The following SETBP1 variants were observed in gnomAD, a reference collection of about 807,000 sequenced individuals.
SETBP1 encodes the protein SET binding protein 1, also known as SET-binding protein.
In SETBP1, 9 loss-of-function variants were observed where a neutral mutation model predicts 101.0. That is an observed-to-expected ratio of 0.09 (90% CI 0.05 to 0.16). The LOEUF is 0.16. Among genes scored for constraint, SETBP1 ranks in the 10% least tolerant of loss-of-function variants. The probability of loss-of-function intolerance (pLI) is 1.00; values close to 1 mark genes in which losing one functional copy is unlikely to be tolerated. For synonymous variants in SETBP1, 818 were observed against 788.5 expected (o/e 1.04, Z -0.63); for missense variants, 1,858 against 2,033.8 (o/e 0.91, Z 1.66).
At position 45,063,501 on chromosome 18, in the gene SETBP1, C is replaced by T. The variant is rs2073923152; in HGVS notation, c.4594C>T (p.Pro1532Ser). ...LPPPPPPPLPPPPPPPLPPPP... is the reference protein window; with the variant it reads ...LPPPPPPPLPSPPPPPLPPPP... The stretch of plus-strand genomic sequence containing the variant: ...CCCGCCACCGCCGCCGCCCCTGCCG[C>T]CACCGCCGCCACCACCCCTGCCCCC... The change falls in exon 6 of 6, where the codon CCA (proline) becomes TCA (serine). Residue 1532 changes from proline to serine, a missense_variant. This residue lies in a region of SETBP1 where 178 missense variants were observed against 189.1 expected (regional missense o/e 0.94). Transcript: ENST00000649279. The T allele has an allele frequency of 7.1e-7, 1 of 1,416,436 alleles. No homozygotes were observed. Among genetic ancestry groups the T allele is most frequent in the African/African-American group, 1.5e-5 (1 of 66,218 alleles). 87.7% of individuals were successfully genotyped at this position (1,416,436 alleles called of 1,614,324 possible).
chr18:45,045,904 C>T (rs1324209339), intron 5 of SETBP1, among the ~76,000 whole-genome samples: 2 of 151,936 alleles, frequency 1.3e-5, no homozygotes, highest in Non-Finnish European at 2.9e-5. Flanking sequence ...TATCTTTTTC[C>T]CCCTTGCCCA....
At chr18:45,006,191 A>T (rs1217751806) in intron 4 of SETBP1, among the ~76,000 whole-genome samples, 1 of 151,808 alleles carries the variant, frequency 6.6e-6, no homozygotes, top group Admixed American at 6.6e-5. Flanking sequence ...TGACCTCATG[A>T]TCCTCCCACC....
At chr18:44,905,091 G>A (rs1387573058) in intron 3 of SETBP1, among the ~76,000 whole-genome samples, 1 of 152,138 alleles carries the variant, frequency 6.6e-6, no homozygotes, top group Non-Finnish European at 1.5e-5. Context: ...AAGTATAAGA[G>A]ACCACAATTA....
At chr18:44,956,564 C>T (rs970837538) in intron 4 of SETBP1, among the ~76,000 whole-genome samples, 9 of 152,304 alleles carry the variant, frequency 5.9e-5, no homozygotes, top group Non-Finnish European at 8.8e-5. Context: ...TGATTCATTT[C>T]CTTAGCATCC....
chr18:44,940,370 G>A (rs2071059921), intron 3 of SETBP1, among the ~76,000 whole-genome samples: 2 of 152,050 alleles, frequency 1.3e-5, no homozygotes, highest in Admixed American at 1.3e-4. Context: ...TATCTCTAGA[G>A]TTAATATAAT....
rs2071413295 is a variant in SETBP1 at position 44,953,432 on chromosome 18, A to G, written c.4000+92A>G. ...ACATCTGTGGCACATTGTGTTCACTAGTTTGCAAAGAGGTGGGAATCAAAT... is the reference window on the plus strand; with the variant it reads ...ACATCTGTGGCACATTGTGTTCACTGGTTTGCAAAGAGGTGGGAATCAAAT... On this transcript the variant is annotated intron_variant, in intron 4 of 5. Transcript: ENST00000649279. The G allele has an allele frequency of 6.0e-6, 7 of 1,160,308 alleles. No homozygotes were observed. The Admixed American group carries it at 1.4e-4, about 23-fold the overall frequency. 71.9% of individuals were successfully genotyped at this position (1,160,308 alleles called of 1,614,324 possible). A position where few individuals can be genotyped will look rare whatever the true frequency, so the allele number is the denominator to read the frequency against.
chr18:44,924,306 A>T (rs1328263631), intron 3 of SETBP1, among the ~76,000 whole-genome samples: 1 of 152,186 alleles, frequency 6.6e-6, no homozygotes, highest in Non-Finnish European at 1.5e-5. Context: ...GTCAGATGTC[A>T]TCCACAGCCT....
chr18:44,905,699 C>T (rs2070159763), intron 3 of SETBP1, among the ~76,000 whole-genome samples: 1 of 152,192 alleles, frequency 6.6e-6, no homozygotes, highest in South Asian at 2.1e-4. Context: ...AGGTCGCTTC[C>T]ACCTCTGATT....
Position 44,950,656 on chromosome 18 carries a change from C to A in SETBP1, c.1316C>A (p.Ser439Tyr). ...ATCATGCCAGAGAAAGCCTTGGCTT[C>A]TGGAATCACCATGAGCAGTGAAGTA... is the stretch of plus-strand genomic sequence containing the variant. ...EKIMPEKALA[S>Y]GITMSSEVVN... is the part of the protein sequence containing the mutation. Residue 439 changes from serine to tyrosine, a missense_variant, in exon 4 of 6, where the codon TCT (serine) becomes TAT (tyrosine). By Grantham distance (144) the Ser-to-Tyr change is moderately radical (BLOSUM62 -2). This residue lies in a region of SETBP1 where 581 missense variants were observed against 535.1 expected (regional missense o/e 1.09). Transcript: ENST00000649279. 1 of 1,614,184 alleles carries A rather than the reference C, an allele frequency of 6.2e-7. No individual in the cohort carries two copies. The highest frequency in any genetic ancestry group is 8.5e-7 in the Non-Finnish European group (1 of 1,180,028).
intron 3 of SETBP1, among the ~76,000 whole-genome samples, chr18:44,937,144 A>G (rs772830328): frequency 4.6e-5 from 7 of 152,144 alleles, no homozygotes; most frequent in Non-Finnish European, 1.0e-4. Flanking sequence ...TAATGCTTTC[A>G]ACTCCCCCTT....
intron 2 of SETBP1, among the ~76,000 whole-genome samples, chr18:44,789,794 C>T (rs2071331782): frequency 1.3e-5 from 2 of 152,294 alleles, no homozygotes; most frequent in South Asian, 4.1e-4. Context: ...CTCACTCCTC[C>T]CACATTCCTG....
rs1225987706 is a variant in SETBP1, at chr18:44,763,807, T to A, written c.486+61975T>A. Among the ~76,000 whole-genome samples the A allele has an allele frequency of 2.0e-5, 3 of 152,200 alleles. No homozygotes were observed. In the East Asian group the frequency reaches 5.8e-4, roughly 29 times the overall value. On this transcript the variant is annotated intron_variant, in intron 2 of 5. Transcript: ENST00000649279. ...TGGCTTCTGGGACACCGCTCTTTATTCTCTCCATAGCTCACTGGTTGTTCC... is the reference window on the plus strand; with the variant it reads ...TGGCTTCTGGGACACCGCTCTTTATACTCTCCATAGCTCACTGGTTGTTCC...
At chr18:45,047,726 G>T (rs2073640762) in intron 5 of SETBP1, among the ~76,000 whole-genome samples, 1 of 152,188 alleles carries the variant, frequency 6.6e-6, no homozygotes, top group African/African-American at 2.4e-5. Context: ...CATTAAGAAT[G>T]ATCTTGAGTG....
Position 44,934,693 on chromosome 18 carries a change from T to G in SETBP1, c.541-15188T>G, listed in dbSNP as rs114878605. ...CATCTTAAGGGTAACTATATTATGT[T>G]TCCTGTTTTACAGATAGGGAAAGTG... On this transcript the variant is annotated intron_variant, in intron 3 of 5. Transcript: ENST00000649279. Among the ~76,000 whole-genome samples, 787 of 152,298 alleles carry G rather than the reference T, an allele frequency of 5.2e-3. 2 individuals carry two copies. Among genetic ancestry groups the G allele is most frequent in the African/African-American group, 0.017 (726 of 41,562 alleles).
intron 5 of SETBP1, among the ~76,000 whole-genome samples, chr18:45,044,108 A>G (rs1051204319): frequency 2.6e-5 from 4 of 152,200 alleles, no homozygotes; most frequent in Non-Finnish European, 5.9e-5. Flanking sequence ...AGTCAGCCAA[A>G]ATCTTATCTT....
At chr18:44,807,196 A>G (rs2071763358) in intron 2 of SETBP1, among the ~76,000 whole-genome samples, 1 of 152,156 alleles carries the variant, frequency 6.6e-6, no homozygotes. Flanking sequence ...AGGGAACAGT[A>G]TACATTAAAA....
intron 3 of SETBP1, among the ~76,000 whole-genome samples, chr18:44,946,478 G>A (rs950091752): frequency 2.6e-5 from 4 of 152,216 alleles, no homozygotes; most frequent in African/African-American, 9.7e-5. Flanking sequence ...AGGAGATGGG[G>A]AGAACTAACA....
intron 2 of SETBP1, among the ~76,000 whole-genome samples, chr18:44,803,745 C>T (rs1454011703): frequency 6.6e-6 from 1 of 152,096 alleles, no homozygotes; most frequent in African/African-American, 2.4e-5. Flanking sequence ...TCATTCTTTA[C>T]ATTTCTTAAT....
At chr18:44,930,028 A>G (rs1370796044) in intron 3 of SETBP1, among the ~76,000 whole-genome samples, 1 of 152,218 alleles carries the variant, frequency 6.6e-6, no homozygotes, top group Non-Finnish European at 1.5e-5. Flanking sequence ...TTCAAAAGGA[A>G]TGCTTCCAGT....
Sources: allele counts gnomAD v4.1 joint callset (sites outside exome capture counted in the v4.1 genomes callset), GRCh38; gene constraint gnomAD v4.1.1; regional missense constraint gnomAD v4.1.1; transcripts MANE v1.5; gene names NCBI Gene and HGNC (gene_info 2026-07-23, HGNC 2026-07-21).